Variants in GRIN2A observed in about 807,000 individuals in gnomAD.
GRIN2A encodes the protein glutamate ionotropic receptor NMDA type subunit 2A, also known as glutamate receptor ionotropic, NMDA 2A.
In GRIN2A, 22 loss-of-function variants were observed where a neutral mutation model predicts 113.4. The observed-to-expected ratio is 0.19, with a 90% CI of 0.14 to 0.28. The LOEUF (loss-of-function observed/expected upper bound fraction) is 0.28. GRIN2A is among the 10% of genes least tolerant of loss of function. The pLI is 1.00. For missense variants in GRIN2A, 1,502 were observed against 1,887.0 expected (o/e 0.80, Z 3.78); for synonymous variants, 827 against 738.4 (o/e 1.12, Z -1.94).
chr16:9,922,095 C>G lies in GRIN2A; in HGVS notation c.1007+15864G>C, dbSNP rs145602060. Among the ~76,000 whole-genome samples the G allele has an allele frequency of 6.9e-3, 1,042 of 152,030 alleles. 8 individuals are homozygous for G. Among genetic ancestry groups the G allele is most frequent in the Non-Finnish European group, 8.5e-3 (577 of 67,976 alleles). The stretch of plus-strand genomic sequence containing the variant: ...AGACTCATTATCATCACTCATTTGC[C>G]GTCTAATCTTTCTTAAGTGGAAGAA... On this transcript the variant is annotated intron_variant, in intron 3 of 12. Coordinates refer to ENST00000330684, the MANE Select transcript of GRIN2A (RefSeq NM_001134407.3).
intron 11 of GRIN2A, among the ~76,000 whole-genome samples, chr16:9,794,005 A>T (rs1004622077): frequency 6.6e-6 from 1 of 152,216 alleles, no homozygotes; most frequent in Non-Finnish European, 1.5e-5. Flanking sequence ...GTGCCTACGA[A>T]AACATCTGTT....
At chr16:9,927,443 G>GA (rs918680337) in intron 3 of GRIN2A, among the ~76,000 whole-genome samples, 9 of 151,930 alleles carry the variant, frequency 5.9e-5, no homozygotes, top group Non-Finnish European at 8.8e-5. Flanking sequence ...GTCAGTTAGA[G>GA]AAAAAAAATC....
intron 2 of GRIN2A, among the ~76,000 whole-genome samples, chr16:10,119,043 G>T (rs1424474324): frequency 1.3e-5 from 2 of 152,190 alleles, no homozygotes; most frequent in Non-Finnish European, 2.9e-5. Flanking sequence ...ATCACTGCAT[G>T]GCCATAGGAA....
At chr16:9,774,219 A>G (rs1901462390) in intron 11 of GRIN2A, among the ~76,000 whole-genome samples, 1 of 152,198 alleles carries the variant, frequency 6.6e-6, no homozygotes, top group African/African-American at 2.4e-5. Context: ...ATATTTGCAA[A>G]AAGGAATGAA....
intron 2 of GRIN2A, among the ~76,000 whole-genome samples, chr16:10,115,015 C>T (rs945552242): frequency 3.3e-5 from 5 of 152,254 alleles, no homozygotes; most frequent in African/African-American, 1.2e-4. Context: ...TGGCCTCTTT[C>T]ACTTGTTTAA....
At chr16:9,938,943 T>C (rs1216576786) in intron 2 of GRIN2A, among the ~76,000 whole-genome samples, 2 of 151,910 alleles carry the variant, frequency 1.3e-5, no homozygotes, top group Non-Finnish European at 2.9e-5. Flanking sequence ...GCAAAGACAG[T>C]TTTCTAACGA....
At chr16:9,896,884 T>C (rs780270440) in intron 3 of GRIN2A, among the ~76,000 whole-genome samples, 6 of 152,226 alleles carry the variant, frequency 3.9e-5, no homozygotes, top group Non-Finnish European at 5.9e-5. Context: ...ACCACATTGA[T>C]CAGTTCCCAT....
chr16:10,019,998 G>C (rs1350236121), intron 2 of GRIN2A, among the ~76,000 whole-genome samples: 1 of 152,122 alleles, frequency 6.6e-6, no homozygotes, highest in Non-Finnish European at 1.5e-5. Flanking sequence ...ATTCGATGGT[G>C]GTGATCATTT....
intron 2 of GRIN2A, among the ~76,000 whole-genome samples, chr16:9,961,087 T>C (rs11860593): frequency 1.2e-3 from 180 of 152,350 alleles, no homozygotes; most frequent in African/African-American, 4.0e-3. Flanking sequence ...AATATATGTA[T>C]GACTTTAGCA....
intron 4 of GRIN2A, among the ~76,000 whole-genome samples, chr16:9,872,246 C>T (rs986877721): frequency 6.6e-6 from 1 of 152,170 alleles, no homozygotes; most frequent in Non-Finnish European, 1.5e-5. Context: ...TGGCCAAACT[C>T]AACAGCGTAA....
chr16:10,122,397 G>A (rs1290336634), intron 2 of GRIN2A, among the ~76,000 whole-genome samples: 1 of 152,086 alleles, frequency 6.6e-6, no homozygotes, highest in African/African-American at 2.4e-5. Flanking sequence ...GGGGAGGTAG[G>A]GGCACGGCTG....
chr16:9,956,222 T>C (rs1289800106), intron 2 of GRIN2A, among the ~76,000 whole-genome samples: 13 of 152,210 alleles, frequency 8.5e-5, no homozygotes, highest in Non-Finnish European at 1.5e-4. Context: ...CTTTCTTGTG[T>C]TTTCTGTTTT....
chr16:10,153,952 G>T (rs1036753069), intron 2 of GRIN2A, among the ~76,000 whole-genome samples: 1 of 152,116 alleles, frequency 6.6e-6, no homozygotes, highest in Non-Finnish European at 1.5e-5. Context: ...TATTCACAAG[G>T]CTCCCCTCCT....
chr16:10,114,207 G>T (rs1055385951), intron 2 of GRIN2A, among the ~76,000 whole-genome samples: 1 of 151,950 alleles, frequency 6.6e-6, no homozygotes, highest in Non-Finnish European at 1.5e-5. Flanking sequence ...CACAAAAATA[G>T]AAAATAAATT....
chr16:9,795,766 A>G (rs1191905727), intron 11 of GRIN2A, among the ~76,000 whole-genome samples: 1 of 152,248 alleles, frequency 6.6e-6, no homozygotes, highest in African/African-American at 2.4e-5. Flanking sequence ...ACCGAGGCTA[A>G]AAAAGATCAC....
At chr16:9,769,744 A>G (rs1596383947) in intron 11 of GRIN2A, among the ~76,000 whole-genome samples, 1 of 152,336 alleles carries the variant, frequency 6.6e-6, no homozygotes, top group African/African-American at 2.4e-5. Flanking sequence ...CCCAGATCAT[A>G]GTAAGTTTTC....
At chr16:9,984,720 C>A in intron 2 of GRIN2A, among the ~76,000 whole-genome samples, 1 of 152,172 alleles carries the variant, frequency 6.6e-6, no homozygotes, top group East Asian at 1.9e-4. Flanking sequence ...CTTTCTCACA[C>A]GCAGTTTCTA....
chr16:9,953,575 T>C (rs1013288510), intron 2 of GRIN2A, among the ~76,000 whole-genome samples: 2 of 151,926 alleles, frequency 1.3e-5, no homozygotes, highest in African/African-American at 4.8e-5. Flanking sequence ...GATTTAGAAG[T>C]TGTCTATCTG....
In GRIN2A at chr16:9,763,751, G is replaced by C. The variant is rs1377552077; in HGVS notation, c.3793C>G (p.Gln1265Glu). 6.2e-7 allele frequency: 1 copy of C among 1,614,018 alleles called. No individual in the cohort carries two copies. Among genetic ancestry groups the C allele is most frequent in the African/African-American group, 1.3e-5 (1 of 74,916 alleles). The stretch of plus-strand genomic sequence containing the variant: ...TGTGCCCAGTCCTGCTGGTAGACCT[G>C]CTCCCCGGTGGCTGGGTTACCTGTC... ...QETGNPATGEQVYQQDWAQNN... is the reference protein window; with the variant it reads ...QETGNPATGEEVYQQDWAQNN... Residue 1265 changes from glutamine to glutamate, a missense_variant, in exon 13 of 13, where the codon CAG (glutamine) becomes GAG (glutamate). By Grantham distance (29) the Gln-to-Glu change is conservative. Around this residue, in one of 7 missense-constraint regions of GRIN2A, gnomAD observed 832 missense variants for 789.7 expected, o/e 1.05. Coordinates refer to ENST00000330684, the MANE Select transcript of GRIN2A (RefSeq NM_001134407.3).
Sources: allele counts gnomAD v4.1 joint callset (sites outside exome capture counted in the v4.1 genomes callset), GRCh38; gene constraint gnomAD v4.1.1; regional missense constraint gnomAD v4.1.1; transcripts MANE v1.5; gene names NCBI Gene and HGNC (gene_info 2026-07-23, HGNC 2026-07-21).